FGGY: variants seen among roughly 807,000 people sequenced by gnomAD.
The protein encoded by FGGY is FGGY carbohydrate kinase domain containing, also known as FGGY carbohydrate kinase domain-containing protein.
In FGGY, 72 loss-of-function variants were observed where a neutral mutation model predicts 71.3. The observed-to-expected ratio is 1.01, with a 90% confidence interval of 0.84 to 1.23. The LOEUF is 1.23. FGGY is among the 50% of genes most tolerant of loss of function. FGGY has a pLI of 0.00. For synonymous variants in FGGY, 251 were observed against 250.3 expected (o/e 1.00, Z -0.02); for missense variants, 668 against 682.3 (o/e 0.98, Z 0.23).
chr1:59,483,088 G>T (rs569348537), intron 6 of FGGY, among the ~76,000 whole-genome samples: 1 of 152,296 alleles, frequency 6.6e-6, no homozygotes, highest in African/African-American at 2.4e-5. Flanking sequence ...ATCCATTGGA[G>T]TAGATGATCT....
intron 14 of FGGY, among the ~76,000 whole-genome samples, chr1:59,703,570 GC>G (rs537234648): frequency 5.6e-4 from 85 of 152,308 alleles, no homozygotes; most frequent in African/African-American, 2.0e-3. Flanking sequence ...CAAAGAAGCA[GC>G]AGTGCATGAT....
chr1:59,572,657 G>T (rs1458951990), intron 8 of FGGY, among the ~76,000 whole-genome samples: 2 of 152,136 alleles, frequency 1.3e-5, no homozygotes, highest in Non-Finnish European at 1.5e-5. Context: ...AGATTATGGT[G>T]GGGGAGATGA....
intron 1 of FGGY, among the ~76,000 whole-genome samples, chr1:59,320,524 A>G (rs901170149): frequency 1.3e-5 from 2 of 152,214 alleles, no homozygotes; most frequent in Non-Finnish European, 2.9e-5. Flanking sequence ...AAAAGCCTCT[A>G]TGAGATTCCA....
intron 5 of FGGY, among the ~76,000 whole-genome samples, chr1:59,405,272 T>C (rs1275608276): frequency 6.6e-6 from 1 of 152,202 alleles, no homozygotes; most frequent in Admixed American, 6.5e-5. Flanking sequence ...GTTAATGGCA[T>C]AAGAAATGAA....
chr1:59,577,044 A>C (rs1361969220), intron 8 of FGGY, among the ~76,000 whole-genome samples: 2 of 152,128 alleles, frequency 1.3e-5, no homozygotes, highest in African/African-American at 4.8e-5. Flanking sequence ...AAAGCTAGCA[A>C]ATTCTTTTTA....
chr1:59,437,952 C>T (rs2068844574), intron 5 of FGGY, among the ~76,000 whole-genome samples: 1 of 152,184 alleles, frequency 6.6e-6, no homozygotes, highest in Non-Finnish European at 1.5e-5. Context: ...ATCCATAAAA[C>T]TTGATGCACA....
chr1:59,371,753 C>T (rs2057684240), intron 4 of FGGY, among the ~76,000 whole-genome samples: 1 of 152,120 alleles, frequency 6.6e-6, no homozygotes, highest in Non-Finnish European at 1.5e-5. Context: ...GATTAAGAAA[C>T]TCACTCAAAA....
intron 6 of FGGY, among the ~76,000 whole-genome samples, chr1:59,458,976 A>G (rs1240459438): frequency 6.6e-6 from 1 of 152,176 alleles, no homozygotes; most frequent in African/African-American, 2.4e-5. Flanking sequence ...GAAGTGTTAA[A>G]CATTTCCAGT....
intron 5 of FGGY, among the ~76,000 whole-genome samples, chr1:59,447,283 A>C (rs1350592005): frequency 1.1e-4 from 16 of 152,142 alleles, no homozygotes; most frequent in Admixed American, 1.0e-3. Context: ...TATTTTCTCT[A>C]TACCTTCTGC....
At chr1:59,368,227 A>C (rs1283239372) in intron 4 of FGGY, among the ~76,000 whole-genome samples, 6 of 152,218 alleles carry the variant, frequency 3.9e-5, no homozygotes, top group African/African-American at 1.4e-4. Flanking sequence ...GGAGATGATA[A>C]GTACATAGGA....
At chr1:59,474,554 G>A (rs575821228) in intron 6 of FGGY, among the ~76,000 whole-genome samples, 1 of 152,306 alleles carries the variant, frequency 6.6e-6, no homozygotes, top group Non-Finnish European at 1.5e-5. Flanking sequence ...AGGACATTTA[G>A]CCAATCTGGA....
At chr1:59,501,920 C>T (rs1034632576) in intron 6 of FGGY, among the ~76,000 whole-genome samples, 1 of 152,116 alleles carries the variant, frequency 6.6e-6, no homozygotes, top group Non-Finnish European at 1.5e-5. Flanking sequence ...GTGTGTCAGG[C>T]GATGTCCAAT....
intron 6 of FGGY, among the ~76,000 whole-genome samples, chr1:59,501,571 T>C (rs1240811864): frequency 6.6e-6 from 1 of 152,216 alleles, no homozygotes; most frequent in Non-Finnish European, 1.5e-5. Context: ...TTTGCATGGG[T>C]CTTGAAAGCA....
rs546270107 is a variant in FGGY at position 59,381,224 on chromosome 1, G to A, written c.554+2387G>A. Among the ~76,000 whole-genome samples, 62 of 152,280 alleles carry A rather than the reference G, an allele frequency of 4.1e-4. No individual in the cohort carries two copies. In the East Asian group the frequency reaches 9.3e-3, roughly 23 times the overall value. ...GTAATATAGTTTGAAGTCAGGTAAC[G>A]TGATGCCTCCAGCTTTGTTCTTTTG... On this transcript the variant is annotated intron_variant, in intron 5 of 15. Transcript: ENST00000303721.
intron 8 of FGGY, among the ~76,000 whole-genome samples, chr1:59,561,719 G>C (rs1187366563): frequency 6.6e-6 from 1 of 152,178 alleles, no homozygotes; most frequent in African/African-American, 2.4e-5. Flanking sequence ...CAAGTTAGGA[G>C]ACTGAGGCAA....
chr1:59,443,870 C>T (rs1229588667), intron 5 of FGGY, among the ~76,000 whole-genome samples: 1 of 149,842 alleles, frequency 6.7e-6, no homozygotes. Context: ...TAGGGTAGAC[C>T]TTGCAGAGGA....
chr1:59,584,358 GTTCAGCATACACAAA>G (rs1264801747), intron 8 of FGGY, among the ~76,000 whole-genome samples: 2 of 150,032 alleles, frequency 1.3e-5, no homozygotes, highest in African/African-American at 5.0e-5. Flanking sequence ...TGCAAGGCTT[GTTCAGCATACACAAA>G]TCAATAAACA....
At chr1:59,519,496 G>A (rs2094762585) in intron 7 of FGGY, among the ~76,000 whole-genome samples, 1 of 152,198 alleles carries the variant, frequency 6.6e-6, no homozygotes, top group Non-Finnish European at 1.5e-5. Context: ...TTCCTAGAGG[G>A]AGTGATGTCC....
At chr1:59,416,625 T>G (rs940982919) in intron 5 of FGGY, among the ~76,000 whole-genome samples, 1 of 152,242 alleles carries the variant, frequency 6.6e-6, no homozygotes. Flanking sequence ...ATATCTTTAA[T>G]TCTTTGGACT....
Sources: gnomAD v4.1 joint callset for allele counts (sites outside exome capture counted in the v4.1 genomes callset) on GRCh38, gnomAD v4.1.1 for gene constraint, MANE v1.5 for transcripts, NCBI Gene and HGNC (gene_info 2026-07-23, HGNC 2026-07-21) for gene names.